The following TNFRSF8 variants were observed in gnomAD, a reference collection of about 807,000 sequenced individuals.
TNFRSF8 encodes tumor necrosis factor receptor superfamily member 8.
Under a neutral mutation model 70.8 loss-of-function variants are expected in TNFRSF8, and 26 were observed. The observed-to-expected ratio is 0.37, with a 90% CI of 0.27 to 0.51. The LOEUF is 0.51. Among genes scored for constraint, TNFRSF8 ranks in the 20% least tolerant of loss-of-function variants. TNFRSF8 has a pLI of 0.94. For missense variants in TNFRSF8, 720 were observed against 807.9 expected (o/e 0.89, Z 1.32); for synonymous variants, 356 against 339.2 (o/e 1.05, Z -0.54).
At chr1:12,097,079 G>A (rs760293535) in intron 2 of TNFRSF8, 22 bp from the exon 3 acceptor site, 5 of 1,603,880 alleles carry the variant, frequency 3.1e-6, no homozygotes, top group East Asian at 2.2e-5. Context: ...CTGGCTTGGA[G>A]CTTCTCTGTT....
chr1:12,109,579 G>A lies in TNFRSF8; in HGVS notation c.435G>A (p.Lys145=), dbSNP rs752331974. Residue 145 remains lysine (K), a synonymous_variant, in exon 5 of 15, where the codon AAG becomes AAA. Coordinates refer to ENST00000263932, the MANE Select transcript of TNFRSF8 (RefSeq NM_001243.5). The surrounding 1 kb of genome is among the most constrained non-coding windows in gnomAD (Gnocchi z 4.4). ...TCCCCCCTGCAGGCACGGCGCAGAA[G>A]AACACGGTCTGTGAGCCGGCTTCCC... is the stretch of plus-strand genomic sequence containing the variant. The part of the protein sequence containing the change: ...MIVKFPGTAQ[K]NTVCEPASPG... The A allele has an allele frequency of 1.9e-6, 3 of 1,613,728 alleles. No homozygotes were observed. The highest frequency in any genetic ancestry group is 2.5e-6 in the Non-Finnish European group (3 of 1,179,942).
At chr1:12,078,280 T>A (rs112740377) in intron 1 of TNFRSF8, among the ~76,000 whole-genome samples, 2,441 of 152,148 alleles carry the variant, frequency 0.016, 60 homozygotes, top group African/African-American at 0.055. Flanking sequence ...GCAGTCAGTC[T>A]CGGCCAGGCA....
At chr1:12,067,803 G>A (rs545243201) in intron 1 of TNFRSF8, among the ~76,000 whole-genome samples, 1 of 151,806 alleles carries the variant, frequency 6.6e-6, no homozygotes, top group Admixed American at 6.6e-5. Context: ...GAATTTCAGG[G>A]AGTGGCAAGA....
Position 12,123,815 on chromosome 1 carries a change from G to T in TNFRSF8, c.1141G>T (p.Val381Phe). The T allele has an allele frequency of 6.4e-7, 1 of 1,567,198 alleles. No homozygotes were observed. The change falls in exon 10 of 15, where the codon GTT becomes TTT. Residue 381 changes from valine to phenylalanine, a missense_variant. Val to Phe is a conservative substitution (Grantham distance 50). Coordinates refer to ENST00000263932, the MANE Select transcript of TNFRSF8 (RefSeq NM_001243.5). ...PVALSSTGKPVLDAGPVLFWV... is the reference protein window; with the variant it reads ...PVALSSTGKPFLDAGPVLFWV... Reference sequence around the variant, plus strand: ...CGCTCTCTCCTCCACGGGGAAGCCCGTTCTGGATGCAGGTAATGGTCCCAG... The same window carrying T: ...CGCTCTCTCCTCCACGGGGAAGCCCTTTCTGGATGCAGGTAATGGTCCCAG...
In TNFRSF8 at chr1:12,123,274, C is replaced by T. The variant is rs1164824458; in HGVS notation, c.947-10C>T. ...GGCGCTGGTTCTCAGATGTTACGTC[C>T]CCTCTGCAGATATGGCTGAGAAGGA... On this transcript the variant is annotated splice_polypyrimidine_tract_variant and intron_variant, in intron 8 of 14. Coordinates refer to ENST00000263932, the MANE Select transcript of TNFRSF8 (RefSeq NM_001243.5). 1.2e-6 allele frequency: 2 copies of T among 1,608,202 alleles called. No homozygotes were observed. Among genetic ancestry groups the T allele is most frequent in the South Asian group, 1.1e-5 (1 of 89,438 alleles).
At chr1:12,090,109 T>C (rs1641222296) in intron 2 of TNFRSF8, among the ~76,000 whole-genome samples, 1 of 141,364 alleles carries the variant, frequency 7.1e-6, no homozygotes, top group African/African-American at 2.7e-5. Flanking sequence ...CATCCATCTA[T>C]CCACCCATCT....
At position 12,113,017 on chromosome 1, in the gene TNFRSF8, G is replaced by A. The variant is rs561734604; in HGVS notation, c.793+1003G>A. Among the ~76,000 whole-genome samples the A allele has an allele frequency of 6.6e-6, 1 of 152,334 alleles. No homozygotes were observed. The highest frequency in any genetic ancestry group is 2.1e-4 in the South Asian group (1 of 4,828). On this transcript the variant is annotated intron_variant, in intron 7 of 14. Coordinates refer to ENST00000263932, the MANE Select transcript of TNFRSF8 (RefSeq NM_001243.5). This position sits in a 1 kb window ranked among gnomAD's most constrained non-coding sequence, Gnocchi z 4.9. Reference sequence around the variant, plus strand: ...GGAGGTCTCTGTCCTAGTTACTAAGGCTGCATAGCAAATTTTCTTAAAACT... The same window carrying A: ...GGAGGTCTCTGTCCTAGTTACTAAGACTGCATAGCAAATTTTCTTAAAACT...
Position 12,138,822 on chromosome 1 carries a change from C to G in TNFRSF8, c.1543+386C>G, listed in dbSNP as rs573576266. On this transcript the variant is annotated intron_variant, in intron 14 of 14. Coordinates refer to ENST00000263932, the MANE Select transcript of TNFRSF8 (RefSeq NM_001243.5). The surrounding 1 kb of genome is among the most constrained non-coding windows in gnomAD (Gnocchi z 5.7). The stretch of plus-strand genomic sequence containing the variant: ...CTCTTCATCTCTGATGGTCTCACCA[C>G]CTTCTTTGGATGGTGTCTTTCTCCC... Among the ~76,000 whole-genome samples the G allele has an allele frequency of 3.3e-5, 5 of 152,324 alleles. No individual in the cohort carries two copies. The highest frequency in any genetic ancestry group is 1.3e-4 in the Admixed American group (2 of 15,304).
intron 1 of TNFRSF8, among the ~76,000 whole-genome samples, chr1:12,074,788 T>C (rs1344265416): frequency 6.6e-6 from 1 of 152,104 alleles, no homozygotes; most frequent in African/African-American, 2.4e-5. Flanking sequence ...TGTGTTTGTT[T>C]GTTTGTTTAT....
At chr1:12,120,873 A>G (rs1182383721) in intron 8 of TNFRSF8, among the ~76,000 whole-genome samples, 1 of 152,158 alleles carries the variant, frequency 6.6e-6, no homozygotes, top group Non-Finnish European at 1.5e-5. Flanking sequence ...CAGAGAGGGG[A>G]TGAGAGGCAC....
chr1:12,135,655 T>A, intron 13 of TNFRSF8, 42 bp downstream of exon 13: 15 of 1,611,322 alleles, frequency 9.3e-6, no homozygotes, highest in Non-Finnish European at 1.3e-5. Flanking sequence ...TTCGTGCCCC[T>A]AAATCTGACT....
chr1:12,094,694 C>T (rs550155906), intron 2 of TNFRSF8, among the ~76,000 whole-genome samples: 5 of 147,816 alleles, frequency 3.4e-5, no homozygotes, highest in Admixed American at 6.9e-5. Flanking sequence ...GACGCGATCT[C>T]GGCTCACTGC....
At chr1:12,085,300 G>C (rs1641135648) in intron 2 of TNFRSF8, among the ~76,000 whole-genome samples, 1 of 152,062 alleles carries the variant, frequency 6.6e-6, no homozygotes, top group Admixed American at 6.6e-5. Flanking sequence ...AGTAGAGACA[G>C]GGTTTCGCCA....
intron 12 of TNFRSF8, among the ~76,000 whole-genome samples, chr1:12,134,310 G>A (rs181194700): frequency 5.4e-4 from 82 of 152,292 alleles, no homozygotes; most frequent in African/African-American, 1.9e-3. Context: ...CCAGATCTCC[G>A]TAGGTAGCGT....
At chr1:12,076,053 C>T (rs1021457590) in intron 1 of TNFRSF8, among the ~76,000 whole-genome samples, 9 of 151,610 alleles carry the variant, frequency 5.9e-5, no homozygotes, top group Non-Finnish European at 1.0e-4. Context: ...TGCTGCTGAA[C>T]GAAATTGGCC....
At chr1:12,101,775 G>A (rs1641427686) in intron 3 of TNFRSF8, among the ~76,000 whole-genome samples, 1 of 152,102 alleles carries the variant, frequency 6.6e-6, no homozygotes, top group South Asian at 2.1e-4. Context: ...GGGTTCAAGC[G>A]ATTCTCCTGT....
chr1:12,123,793 T>G lies in TNFRSF8; in HGVS notation c.1119T>G (p.Ala373=), dbSNP rs375546475. Residue 373 remains alanine, a synonymous_variant, in exon 10 of 15, where the codon GCT becomes GCG. Transcript: ENST00000263932. ...TLPIPTSAPV[A]LSSTGKPVLD... is the part of the protein sequence containing the mutation. ...CCATCCCAACCAGCGCTCCCGTCGC[T>G]CTCTCCTCCACGGGGAAGCCCGTTC... 2.5e-6 allele frequency: 4 copies of G among 1,575,900 alleles called. No individual in the cohort carries two copies. Among genetic ancestry groups the G allele is most frequent in the Non-Finnish European group, 3.4e-6 (4 of 1,160,346 alleles).
intron 4 of TNFRSF8, among the ~76,000 whole-genome samples, chr1:12,107,223 C>T (rs566526755): frequency 4.5e-4 from 69 of 152,182 alleles, no homozygotes; most frequent in African/African-American, 5.5e-4. Flanking sequence ...GGTGAAACCT[C>T]GTCTCTACTA....
chr1:12,102,082 C>T (rs1641433540), intron 3 of TNFRSF8, among the ~76,000 whole-genome samples: 1 of 152,100 alleles, frequency 6.6e-6, no homozygotes, highest in Admixed American at 6.5e-5. Flanking sequence ...TTCTGTTTTC[C>T]CTCTTTTCTG....
Sources: gnomAD v4.1 joint callset for allele counts (sites outside exome capture counted in the v4.1 genomes callset) on GRCh38, gnomAD v4.1.1 for gene constraint, Gnocchi (gnomAD v3.1) non-coding constraint, MANE v1.5 for transcripts, NCBI Gene and HGNC (gene_info 2026-07-23, HGNC 2026-07-21) for gene names.